Variants in ETNK1 observed in about 807,000 individuals in gnomAD.
The protein encoded by ETNK1 is ethanolamine kinase 1.
In ETNK1, 8 loss-of-function variants were observed where a neutral mutation model predicts 45.1. That is an observed-to-expected ratio of 0.18 (90% CI 0.10 to 0.32). ETNK1 has a LOEUF of 0.32. Ranked by LOEUF, ETNK1 falls within the 10% of genes least tolerant of loss-of-function variation. ETNK1 has a pLI of 1.00. For missense variants in ETNK1, 302 were observed against 430.6 expected (o/e 0.70, Z 2.64); for synonymous variants, 152 against 151.9 (o/e 1.00, Z -0.01).
intron 1 of ETNK1, among the ~76,000 whole-genome samples, chr12:22,631,348 T>C (rs990479194): frequency 2.0e-5 from 3 of 152,030 alleles, no homozygotes; most frequent in African/African-American, 7.2e-5. Flanking sequence ...CTAATTTTTG[T>C]GTTTTTAGTA....
intron 1 of ETNK1, among the ~76,000 whole-genome samples, chr12:22,635,180 C>G (rs1275475915): frequency 6.6e-6 from 1 of 152,202 alleles, no homozygotes; most frequent in Non-Finnish European, 1.5e-5. Context: ...ACCTGTCACT[C>G]TGTGTGAAAT....
At chr12:22,673,460 T>C (rs370557166) in intron 5 of ETNK1, 40 bp from the exon 6 acceptor site, 132 of 1,499,242 alleles carry the variant, frequency 8.8e-5, no homozygotes, top group Non-Finnish European at 1.1e-4. Flanking sequence ...GAAGAGTTTA[T>C]GTTTTAAAAT....
At position 22,686,851 on chromosome 12, in the gene ETNK1, A is replaced by ATTTTTTT. The variant is rs3983448; in HGVS notation, c.*1919_*1925dup. 262 of 69,294 alleles carry ATTTTTTT rather than the reference A, an allele frequency of 3.8e-3. 3 individuals carry two copies. The highest frequency in any genetic ancestry group is 4.6e-3 in the East Asian group (13 of 2,814). 4.3% of individuals were successfully genotyped at this position (69,294 alleles called of 1,614,324 possible). A position where few individuals can be genotyped will look rare whatever the true frequency, so the allele number is the denominator to read the frequency against. Reference sequence around the variant, plus strand: ...AGATAAAGAATGTGTAATACTCTTAATTTTTTTTTTTTTTTTTTTTTTTTT... The same window carrying ATTTTTTT: ...AGATAAAGAATGTGTAATACTCTTAATTTTTTTTTTTTTTTTTTTTTTTTTTTTTTTT... On this transcript the variant is annotated 3_prime_UTR_variant, in exon 8 of 8. Transcript: ENST00000266517.
chr12:22,673,880 A>T (rs1954135869), intron 6 of ETNK1, among the ~76,000 whole-genome samples: 1 of 152,170 alleles, frequency 6.6e-6, no homozygotes, highest in Non-Finnish European at 1.5e-5. Flanking sequence ...CCCTAGAACA[A>T]TGCCTGGCCA....
chr12:22,631,749 G>GT (rs1277441131), intron 1 of ETNK1, among the ~76,000 whole-genome samples: 5 of 152,088 alleles, frequency 3.3e-5, no homozygotes, highest in Admixed American at 6.5e-5. Context: ...AGATTAAGGT[G>GT]TTTTTTGTAG....
chr12:22,659,654 T>C (rs1953979269), intron 3 of ETNK1, among the ~76,000 whole-genome samples: 1 of 152,176 alleles, frequency 6.6e-6, no homozygotes, highest in African/African-American at 2.4e-5. Context: ...ATTAACCATA[T>C]AGAGTTTTTG....
intron 2 of ETNK1, among the ~76,000 whole-genome samples, chr12:22,657,748 A>G (rs1440650998): frequency 6.6e-6 from 1 of 152,206 alleles, no homozygotes. Flanking sequence ...TCATATGTTC[A>G]CTTACTACTG....
chr12:22,684,447 T>C (rs770338614), intron 6 of ETNK1, 36 bp from the exon 7 acceptor site: 9 of 1,441,386 alleles, frequency 6.2e-6, no homozygotes, highest in Non-Finnish European at 7.7e-6. Flanking sequence ...AGAAATTCAT[T>C]ATCATAATTT....
At chr12:22,679,415 G>A (rs1044693375) in intron 6 of ETNK1, among the ~76,000 whole-genome samples, 1 of 151,964 alleles carries the variant, frequency 6.6e-6, no homozygotes, top group African/African-American at 2.4e-5. Flanking sequence ...TGTTTTTGCC[G>A]TGCTGGCAGC....
rs562472625 is a variant in ETNK1 at position 22,626,790 on chromosome 12, G to T, written c.156+1204G>T. 8.1e-4 allele frequency among the ~76,000 whole-genome samples: 123 copies of T among 152,236 alleles called. 1 individual carries two copies. The highest frequency in any genetic ancestry group is 2.8e-3 in the African/African-American group (116 of 41,552). On this transcript the variant is annotated intron_variant, in intron 1 of 7. Coordinates refer to ENST00000266517, the MANE Select transcript of ETNK1 (RefSeq NM_018638.5). ...AATTTTGAAATTTAAGGGAGTATTT[G>T]TTAGCCGAGAATATAGGAAATAGTG... is the stretch of plus-strand genomic sequence containing the variant.
At chr12:22,644,489 C>G in intron 2 of ETNK1, 1 of 695,678 alleles carries the variant, frequency 1.4e-6, no homozygotes, top group Non-Finnish European at 1.9e-6. Context: ...GTCATATATG[C>G]TTGATCATTT....
chr12:22,678,079 A>G, intron 6 of ETNK1, among the ~76,000 whole-genome samples: 1 of 151,914 alleles, frequency 6.6e-6, no homozygotes, highest in Non-Finnish European at 1.5e-5. Context: ...TTCTTTTCCA[A>G]GACTTTCTAT....
intron 4 of ETNK1, among the ~76,000 whole-genome samples, chr12:22,665,157 A>C (rs547500851): frequency 6.6e-6 from 1 of 152,156 alleles, no homozygotes; most frequent in Non-Finnish European, 1.5e-5. Context: ...CCAGTTACTT[A>C]CAGAAATAAG....
chr12:22,651,007 C>T (rs1953868029), intron 2 of ETNK1, among the ~76,000 whole-genome samples: 2 of 152,092 alleles, frequency 1.3e-5, no homozygotes, highest in Admixed American at 6.5e-5. Flanking sequence ...AACTAGGATA[C>T]AGACAACCAG....
chr12:22,649,184 CAG>C (rs1300785932), intron 2 of ETNK1, among the ~76,000 whole-genome samples: 1 of 151,996 alleles, frequency 6.6e-6, no homozygotes, highest in East Asian at 1.9e-4. Flanking sequence ...ATTCTCTTGA[CAG>C]TGTCTTTTGC....
intron 2 of ETNK1, among the ~76,000 whole-genome samples, chr12:22,654,473 C>A (rs901996432): frequency 9.9e-5 from 15 of 151,998 alleles, no homozygotes; most frequent in African/African-American, 3.4e-4. Context: ...ATTAAAAATC[C>A]AAAATAGATT....
intron 4 of ETNK1, among the ~76,000 whole-genome samples, chr12:22,665,574 T>C (rs1305110106): frequency 6.6e-6 from 1 of 152,120 alleles, no homozygotes; most frequent in Non-Finnish European, 1.5e-5. Flanking sequence ...TTTTAGGCAT[T>C]GTGGGCTGGA....
intron 2 of ETNK1, among the ~76,000 whole-genome samples, chr12:22,651,335 G>T (rs143622304): frequency 2.0e-5 from 3 of 152,136 alleles, no homozygotes; most frequent in African/African-American, 4.8e-5. Context: ...GAAGATGAAG[G>T]CTCCGTTGTG....
At chr12:22,648,743 C>G (rs1193724693) in intron 2 of ETNK1, among the ~76,000 whole-genome samples, 3 of 152,002 alleles carry the variant, frequency 2.0e-5, no homozygotes, top group Non-Finnish European at 2.9e-5. Flanking sequence ...TGCTGACGAG[C>G]ATGATTGCTG....
Sources: gnomAD v4.1 joint callset for allele counts (sites outside exome capture counted in the v4.1 genomes callset) on GRCh38, gnomAD v4.1.1 for gene constraint, MANE v1.5 for transcripts, NCBI Gene and HGNC (gene_info 2026-07-23, HGNC 2026-07-21) for gene names.